The following GPR108 variants were observed in gnomAD, a reference collection of about 807,000 sequenced individuals.
GPR108 encodes protein GPR108.
GPR108 carries 60 observed loss-of-function variants against 74.3 expected under a neutral mutation model. The ratio of observed to expected loss-of-function variants is 0.81; its 90% CI spans 0.66 to 1.00. The LOEUF is 1.00. Ranked by LOEUF, GPR108 falls within the 50% of genes least tolerant of loss-of-function variation. GPR108 has a pLI of 0.00. For missense variants in GPR108, 667 were observed against 703.3 expected (o/e 0.95, Z 0.58); for synonymous variants, 311 against 292.4 (o/e 1.06, Z -0.65).
At chr19:6,732,448 G>C (rs1968452934) in intron 11 of GPR108, 28 bp downstream of exon 11, 1 of 1,611,220 alleles carries the variant, frequency 6.2e-7, no homozygotes, top group African/African-American at 1.3e-5. Context: ...CCTCCCCCCA[G>C]CTGCCCAGCA....
At chr19:6,733,119 G>A (rs1968488649) in intron 9 of GPR108, 49 bp downstream of exon 9, 1 of 1,613,336 alleles carries the variant, frequency 6.2e-7, no homozygotes, top group Admixed American at 1.7e-5. Context: ...GCATAGGGAT[G>A]GGGGTCTGGT....
chr19:6,733,204 G>A lies in GPR108; in HGVS notation c.821C>T (p.Ala274Val). ...YMVMSACFLA[A>V]GIFWVSILCR... ...GAGGATGGACACCCAGAAGATGCCA[G>A]CGGCCAGGAAGCAGGCGGACATGAC... The change falls in exon 9 of 18, where the codon GCT becomes GTT. Residue 274 changes from alanine to valine, a missense_variant. Transcript: ENST00000264080. The A allele has an allele frequency of 6.2e-7, 1 of 1,614,116 alleles. No individual in the cohort carries two copies. Among genetic ancestry groups the A allele is most frequent in the East Asian group, 2.2e-5 (1 of 44,884 alleles).
chr19:6,734,368 A>G (rs1033056044), intron 4 of GPR108, 61 bp from the exon 5 acceptor site: 3 of 1,565,474 alleles, frequency 1.9e-6, no homozygotes, highest in Non-Finnish European at 2.6e-6. Flanking sequence ...AGGCACCGGC[A>G]AAGGACTCAG....
At position 6,732,086 on chromosome 19, in the gene GPR108, T is replaced by A; in HGVS notation, c.1195A>T (p.Lys399Ter). 2 of 1,613,878 alleles carry A rather than the reference T, an allele frequency of 1.2e-6. No homozygotes were observed. The highest frequency in any genetic ancestry group is 8.5e-7 in the Non-Finnish European group (1 of 1,179,978). ...EEGASDYVLW[K>*]EILFLVDLIC... ...AGGTCCACCAGGAACAAAATCTCCT[T>A]CCACAGCACGTAGTCGCTGGCGCCT... is the stretch of plus-strand genomic sequence containing the variant. The change falls in exon 13 of 18, where the codon AAG becomes TAG. Residue 399 changes from lysine to a stop codon, truncating the protein, a stop_gained. Coordinates refer to ENST00000264080, the MANE Select transcript of GPR108 (RefSeq NM_001080452.2). LOFTEE classifies it high-confidence loss of function.
Position 6,733,082 on chromosome 19 carries a change from G to A in GPR108, c.858-20C>T. ...CTGTACCTGGTGGGAGGGTCAGGGA[G>A]AGATGGGGGTGCGGGGCATCAGCAG... On this transcript the variant is annotated intron_variant, in intron 9 of 17. Coordinates refer to ENST00000264080, the MANE Select transcript of GPR108 (RefSeq NM_001080452.2). 1.2e-6 allele frequency: 2 copies of A among 1,613,786 alleles called. No individual in the cohort carries two copies. The highest frequency in any genetic ancestry group is 1.7e-6 in the Non-Finnish European group (2 of 1,179,878).
chr19:6,733,456 G>A (rs1355691562), intron 8 of GPR108, 114 bp downstream of exon 8: 1 of 1,312,782 alleles, frequency 7.6e-7, no homozygotes, highest in East Asian at 2.4e-5. Flanking sequence ...GGGTATAACA[G>A]CTCCTACTTC....
intron 6 of GPR108, 25 bp downstream of exon 6, chr19:6,733,979 TC>T: frequency 6.2e-7 from 1 of 1,614,044 alleles, no homozygotes; most frequent in Non-Finnish European, 8.5e-7. Flanking sequence ...GTGTGCATCT[TC>T]CCTCCTGCCC....
chr19:6,735,881 C>G, intron 3 of GPR108, 27 bp downstream of exon 3: 1 of 1,607,868 alleles, frequency 6.2e-7, no homozygotes, highest in Non-Finnish European at 8.5e-7. Context: ...AGCCCCTTCT[C>G]CCGTCTTCCC....
At chr19:6,736,974 G>A (rs1968663727) in intron 1 of GPR108, 2 of 491,814 alleles carry the variant, frequency 4.1e-6, no homozygotes, top group Non-Finnish European at 7.4e-6. Flanking sequence ...GCACCGCCCG[G>A]AGAACAGTTA....
Position 6,730,072 on chromosome 19 carries a change from CATT to C in GPR108, c.*237_*239del, listed in dbSNP as rs1243935883. On this transcript the variant is annotated 3_prime_UTR_variant, in exon 18 of 18. Coordinates refer to ENST00000264080, the MANE Select transcript of GPR108 (RefSeq NM_001080452.2). ...CAACGGCGTAGCCAAACAGATTGGT[CATT>C]ATTGTACACATAGCTGGAAGGGAGG... is the stretch of plus-strand genomic sequence containing the variant. 3 of 552,928 alleles carry C rather than the reference CATT, an allele frequency of 5.4e-6. No individual in the cohort carries two copies. The highest frequency in any genetic ancestry group is 9.8e-6 in the Non-Finnish European group (3 of 305,846). The allele number at this position is 552,928 out of a possible 1,614,324, so 34.3% of individuals were successfully genotyped here. A position where few individuals can be genotyped will look rare whatever the true frequency, so the allele number is the denominator to read the frequency against.
At chr19:6,733,777 G>T in intron 7 of GPR108, 68 bp downstream of exon 7, 1 of 1,590,780 alleles carries the variant, frequency 6.3e-7, no homozygotes, top group Non-Finnish European at 8.6e-7. Flanking sequence ...TAGGGCTGCA[G>T]GAGGGCTCAG....
chr19:6,737,014 C>G, intron 1 of GPR108: 1 of 428,590 alleles, frequency 2.3e-6, no homozygotes, highest in Non-Finnish European at 4.3e-6. Context: ...CCTTCACCTT[C>G]CCGAAGAACT....
At chr19:6,734,090 T>A in intron 5 of GPR108, 36 bp from the exon 6 acceptor site, 2 of 1,614,030 alleles carry the variant, frequency 1.2e-6, no homozygotes, top group Non-Finnish European at 1.7e-6. Flanking sequence ...AAGAGATGGA[T>A]GGATGGATAG....
At chr19:6,732,958 C>G (rs1344498781) in intron 10 of GPR108, 29 bp downstream of exon 10, 4 of 1,553,770 alleles carry the variant, frequency 2.6e-6, no homozygotes, top group East Asian at 2.4e-5. Flanking sequence ...CAGCCCACCC[C>G]CCGCTGCTCC....
chr19:6,732,916 A>C, intron 10 of GPR108, 71 bp downstream of exon 10: 2 of 1,388,748 alleles, frequency 1.4e-6, no homozygotes, highest in Non-Finnish European at 2.0e-6. Context: ...CAGGGTCTGC[A>C]GAGATTTGGG....
Position 6,730,370 on chromosome 19 carries a change from CCA to C in GPR108, c.1572_1573del (p.Gly525ValfsTer125). 6.2e-7 allele frequency: 1 copy of C among 1,613,340 alleles called. No individual in the cohort carries two copies. The highest frequency in any genetic ancestry group is 2.2e-5 in the East Asian group (1 of 44,882). On this transcript the variant is annotated frameshift_variant, in exon 18 of 18. Coordinates refer to ENST00000264080, the MANE Select transcript of GPR108 (RefSeq NM_001080452.2). LOFTEE classifies it high-confidence loss of function. ...GACTTTGGAGAGGCCTTCCCGGAAC[CCA>C]GAGTCCGTCATTCTGGGGGCAGACA...
At position 6,737,442 on chromosome 19, in the gene GPR108, C is replaced by T. The variant is rs756291590; in HGVS notation, c.120+15G>A. ...TTGCGCCACCGACCCCAGACCCTCG[C>T]GCGGCGGGCCTCACCGTCAGCGCCA... On this transcript the variant is annotated intron_variant, in intron 1 of 17. Coordinates refer to ENST00000264080, the MANE Select transcript of GPR108 (RefSeq NM_001080452.2). The T allele has an allele frequency of 6.9e-6, 11 of 1,585,680 alleles. No individual in the cohort carries two copies. The highest frequency in any genetic ancestry group is 4.7e-5 in the East Asian group (2 of 42,852).
intron 14 of GPR108, 124 bp from the exon 15 acceptor site, chr19:6,731,646 G>A (rs924016467): frequency 6.5e-6 from 6 of 918,502 alleles, no homozygotes; most frequent in South Asian, 1.7e-5. Flanking sequence ...AGCAAGTCTC[G>A]AGGGGACATT....
At chr19:6,734,639 T>A (rs1294491965) in intron 4 of GPR108, among the ~76,000 whole-genome samples, 1 of 152,132 alleles carries the variant, frequency 6.6e-6, no homozygotes, top group East Asian at 1.9e-4. Flanking sequence ...ATTCCTGGGA[T>A]CAGGCAATCC....
Sources: gnomAD v4.1 joint callset for allele counts (sites outside exome capture counted in the v4.1 genomes callset) on GRCh38, gnomAD v4.1.1 for gene constraint, MANE v1.5 for transcripts, NCBI Gene and HGNC (gene_info 2026-07-23, HGNC 2026-07-21) for gene names.